Variants in MACO1 observed in about 807,000 individuals in gnomAD.
The protein encoded by MACO1 is macoilin 1, also known as macoilin.
Under a neutral mutation model 78.7 loss-of-function variants are expected in MACO1, and 14 were observed. The ratio of observed to expected loss-of-function variants is 0.18; its 90% confidence interval spans 0.12 to 0.28. The LOEUF (loss-of-function observed/expected upper bound fraction) is 0.28. Among genes scored for constraint, MACO1 ranks in the 10% least tolerant of loss-of-function variants. MACO1 has a pLI of 1.00. For missense variants in MACO1, 501 were observed against 799.0 expected (o/e 0.63, Z 4.50); for synonymous variants, 288 against 291.6 (o/e 0.99, Z 0.12).
chr1:25,471,013 G>A (rs561862643), intron 6 of MACO1, among the ~76,000 whole-genome samples: 19 of 151,634 alleles, frequency 1.3e-4, no homozygotes, highest in Non-Finnish European at 2.5e-4. Context: ...GGGCCACAGA[G>A]TGAGAACCTG....
intron 10 of MACO1, among the ~76,000 whole-genome samples, chr1:25,497,263 C>A (rs1284649724): frequency 6.6e-6 from 1 of 151,864 alleles, no homozygotes; most frequent in Admixed American, 6.6e-5. Flanking sequence ...GCTTGTAATC[C>A]CAGCTACTCA....
chr1:25,474,438 G>A (rs1367850301), intron 6 of MACO1, among the ~76,000 whole-genome samples: 1 of 152,150 alleles, frequency 6.6e-6, no homozygotes, highest in African/African-American at 2.4e-5. Flanking sequence ...GGAATACCTG[G>A]TAAATCCTAT....
At chr1:25,444,855 A>G (rs1282265950) in intron 1 of MACO1, among the ~76,000 whole-genome samples, 1 of 152,028 alleles carries the variant, frequency 6.6e-6, no homozygotes, top group Non-Finnish European at 1.5e-5. Context: ...TACAGATATA[A>G]GCCACTGTGC....
chr1:25,480,932 ATATATATATATATATATATATATATATAT>A (rs2043370285), intron 6 of MACO1, among the ~76,000 whole-genome samples: 6 of 72,972 alleles, frequency 8.2e-5, no homozygotes, highest in African/African-American at 1.6e-4. Context: ...AAAAAAAAAT[ATATATATATATATATATATATATATATAT>A]ATATATATAT....
intron 4 of MACO1, 76 bp downstream of exon 4, chr1:25,454,458 G>A (rs374662735): frequency 6.9e-5 from 14 of 201,632 alleles, no homozygotes; most frequent in South Asian, 8.4e-4. Context: ...GTGTGTGTGT[G>A]TGTGTGTGTG....
chr1:25,489,573 T>C (rs2043466082), intron 9 of MACO1, among the ~76,000 whole-genome samples: 1 of 152,176 alleles, frequency 6.6e-6, no homozygotes. Context: ...TTTAACTTTT[T>C]CAGGTTATAG....
chr1:25,472,014 T>A lies in MACO1; in HGVS notation c.1155-12102T>A, dbSNP rs529529413. Among the ~76,000 whole-genome samples, 32 of 152,182 alleles carry A rather than the reference T, an allele frequency of 2.1e-4. 1 individual carries two copies. Among genetic ancestry groups the A allele is most frequent in the South Asian group, 2.1e-4 (1 of 4,834 alleles). ...TTTGCTCTGGCAGTGGGGTTGGTTG[T>A]GCTTCAGGGCCAAGGAATCTAGACA... On this transcript the variant is annotated intron_variant, in intron 6 of 10. Transcript: ENST00000374343.
chr1:25,466,033 T>G (rs1164465766), intron 6 of MACO1, among the ~76,000 whole-genome samples: 1 of 129,198 alleles, frequency 7.7e-6, no homozygotes, highest in Non-Finnish European at 1.5e-5. Context: ...TTAGGTTGAT[T>G]CCATATCTTT....
chr1:25,457,439 C>T (rs1370913994), intron 5 of MACO1, among the ~76,000 whole-genome samples: 1 of 152,098 alleles, frequency 6.6e-6, no homozygotes, highest in Middle Eastern at 3.2e-3. Flanking sequence ...AATATATATT[C>T]TCAGCAACAA....
At chr1:25,432,932 A>G (rs2042888381) in intron 1 of MACO1, among the ~76,000 whole-genome samples, 1 of 152,224 alleles carries the variant, frequency 6.6e-6, no homozygotes, top group South Asian at 2.1e-4. Flanking sequence ...CTCAGTGTGA[A>G]TCGATGTGAA....
intron 6 of MACO1, among the ~76,000 whole-genome samples, chr1:25,471,860 A>G (rs1216739887): frequency 6.6e-6 from 1 of 152,242 alleles, no homozygotes; most frequent in African/African-American, 2.4e-5. Flanking sequence ...GGTATTTCAC[A>G]GAAAGTTTTA....
Position 25,448,896 on chromosome 1 carries a change from C to A in MACO1, c.311C>A (p.Ala104Asp). ...CCCATACAGTGGCTTTTTTTTGCTGCTAGCACATATGTATGGGTTCAGTAC... is the reference window on the plus strand; with the variant it reads ...CCCATACAGTGGCTTTTTTTTGCTGATAGCACATATGTATGGGTTCAGTAC... ...FIPIQWLFFAASTYVWVQYVW... is the reference protein window; with the variant it reads ...FIPIQWLFFADSTYVWVQYVW... The change falls in exon 3 of 11, where the codon GCT (alanine) becomes GAT (aspartate). Residue 104 changes from alanine to aspartate, a missense_variant. Ala to Asp is a moderately radical substitution (Grantham distance 126, BLOSUM62 -2). Transcript: ENST00000374343. 6.5e-7 allele frequency: 1 copy of A among 1,547,258 alleles called. No homozygotes were observed. The highest frequency in any genetic ancestry group is 8.8e-7 in the Non-Finnish European group (1 of 1,134,208).
At chr1:25,473,549 C>T (rs1276698086) in intron 6 of MACO1, among the ~76,000 whole-genome samples, 1 of 152,066 alleles carries the variant, frequency 6.6e-6, no homozygotes, top group African/African-American at 2.4e-5. Context: ...TCTAGATAGG[C>T]TGTTTGAAAG....
At chr1:25,471,341 CAAAAA>C (rs34002682) in intron 6 of MACO1, among the ~76,000 whole-genome samples, 2 of 125,172 alleles carry the variant, frequency 1.6e-5, no homozygotes, top group East Asian at 2.1e-4. Flanking sequence ...TCTGTCTCAA[CAAAAA>C]AAAAAAAAAG....
chr1:25,469,792 A>G (rs2043251552), intron 6 of MACO1, among the ~76,000 whole-genome samples: 1 of 151,774 alleles, frequency 6.6e-6, no homozygotes, highest in Non-Finnish European at 1.5e-5. Context: ...GTGCGCCACC[A>G]TGCCTGGCTA....
chr1:25,482,858 AC>A (rs2043392571), intron 6 of MACO1, among the ~76,000 whole-genome samples: 1 of 152,182 alleles, frequency 6.6e-6, no homozygotes, highest in Non-Finnish European at 1.5e-5. Flanking sequence ...ACCCTATAGA[AC>A]AGTGCCTGGC....
chr1:25,461,308 A>G (rs1028528750), intron 6 of MACO1, among the ~76,000 whole-genome samples: 1 of 152,114 alleles, frequency 6.6e-6, no homozygotes, highest in African/African-American at 2.4e-5. Context: ...ACGTGTATAC[A>G]TATGTAACAA....
At chr1:25,491,725 A>T in intron 10 of MACO1, 141 bp downstream of exon 10, 3 of 640,512 alleles carry the variant, frequency 4.7e-6, no homozygotes, top group Non-Finnish European at 8.1e-6. Context: ...CAACATTGAA[A>T]TATAGGAACC....
intron 3 of MACO1, among the ~76,000 whole-genome samples, chr1:25,453,987 G>T (rs1290144572): frequency 1.3e-5 from 2 of 151,930 alleles, no homozygotes; most frequent in Non-Finnish European, 2.9e-5. Flanking sequence ...TTATTGATTT[G>T]TAGGAGCTCT....
Sources: gnomAD v4.1 joint callset for allele counts (sites outside exome capture counted in the v4.1 genomes callset) on GRCh38, gnomAD v4.1.1 for gene constraint, MANE v1.5 for transcripts, NCBI Gene and HGNC (gene_info 2026-07-23, HGNC 2026-07-21) for gene names.